The following FMNL3 variants were observed in gnomAD, a reference collection of about 807,000 sequenced individuals.
FMNL3 encodes the protein formin-like protein 3.
In FMNL3, 57 loss-of-function variants were observed where a neutral mutation model predicts 119.6. The observed-to-expected ratio is 0.48, with a 90% CI of 0.39 to 0.59. The LOEUF (loss-of-function observed/expected upper bound fraction) is 0.59. Among genes scored for constraint, FMNL3 ranks in the 20% least tolerant of loss-of-function variants. The pLI, the probability that FMNL3 is intolerant of heterozygous loss-of-function variation, is 0.00. For missense variants in FMNL3, 1,053 were observed against 1,323.5 expected (o/e 0.80, Z 3.17); for synonymous variants, 491 against 507.3 (o/e 0.97, Z 0.43).
At chr12:49,701,915 T>G (rs1183956594) in intron 1 of FMNL3, among the ~76,000 whole-genome samples, 2 of 152,094 alleles carry the variant, frequency 1.3e-5, no homozygotes, top group African/African-American at 4.8e-5. Flanking sequence ...AGAGTAAGAC[T>G]GTCTCAAAAA....
Position 49,649,670 on chromosome 12 carries a change from T to G in FMNL3, c.2235+21A>C. The stretch of plus-strand genomic sequence containing the variant: ...GTGGAGGGACAGCTGTCCAGAGCCA[T>G]GAGTTGGGTGGGGGCTGTACCGGTG... On this transcript the variant is annotated intron_variant, in intron 18 of 25. Coordinates refer to ENST00000335154, the MANE Select transcript of FMNL3 (RefSeq NM_175736.5). This position sits in a 1 kb window ranked among gnomAD's most constrained non-coding sequence, Gnocchi z 5.6. 7 of 1,613,168 alleles carry G rather than the reference T, an allele frequency of 4.3e-6. No individual in the cohort carries two copies. The highest frequency in any genetic ancestry group is 1.1e-5 in the South Asian group (1 of 91,056).
intron 4 of FMNL3, among the ~76,000 whole-genome samples, chr12:49,665,099 TCATATACCTTTG>T (rs1387839055): frequency 6.6e-6 from 1 of 152,142 alleles, no homozygotes; most frequent in African/African-American, 2.4e-5. Context: ...TCTCTCACTT[TCATATACCTTTG>T]CATATACCTT....
At chr12:49,668,628 A>G in intron 1 of FMNL3, 74 bp from the exon 2 acceptor site, 1 of 1,339,374 alleles carries the variant, frequency 7.5e-7, no homozygotes, top group Non-Finnish European at 1.1e-6. Context: ...GACTGCCCAC[A>G]CCTTTCTGCT....
Position 49,645,517 on chromosome 12 carries a change from A to G in FMNL3, c.*298T>C, listed in dbSNP as rs946016991. 2.6e-6 allele frequency: 1 copy of G among 382,118 alleles called. No individual in the cohort carries two copies. The highest frequency in any genetic ancestry group is 4.7e-6 in the Non-Finnish European group (1 of 213,208). The allele number at this position is 382,118 out of a possible 1,614,324, so 23.7% of individuals were successfully genotyped here. ...CTCTGGGCTCTAGTGGGAGAGATCT[A>G]TGTGCCCTGTTTAGGCTAAGGCTGG... On this transcript the variant is annotated 3_prime_UTR_variant, in exon 26 of 26. Transcript: ENST00000335154.
intron 13 of FMNL3, among the ~76,000 whole-genome samples, 166 bp downstream of exon 13, chr12:49,653,060 T>TA (rs1296744006): frequency 6.6e-6 from 1 of 151,822 alleles, no homozygotes; most frequent in Non-Finnish European, 1.5e-5. Flanking sequence ...CCTCTCCAAC[T>TA]AAAAAAATGG....
intron 1 of FMNL3, among the ~76,000 whole-genome samples, chr12:49,687,053 T>C (rs1944482165): frequency 6.6e-6 from 1 of 151,854 alleles, no homozygotes; most frequent in African/African-American, 2.4e-5. Flanking sequence ...CCCCCAAAAC[T>C]GCCTGATAAT....
Position 49,641,990 on chromosome 12 carries a change from TGG to T in FMNL3, c.*3823_*3824del. On this transcript the variant is annotated 3_prime_UTR_variant, in exon 26 of 26. Coordinates refer to ENST00000335154, the MANE Select transcript of FMNL3 (RefSeq NM_175736.5). ...AGCTTTGACAAGAGGGCTGCCGCACTGGACGCAGGCAACATCAAGCTGACCTT... is the reference window on the plus strand; with the variant it reads ...AGCTTTGACAAGAGGGCTGCCGCACTACGCAGGCAACATCAAGCTGACCTT... The T allele has an allele frequency of 6.2e-7, 1 of 1,613,708 alleles. No individual in the cohort carries two copies. The highest frequency in any genetic ancestry group is 8.5e-7 in the Non-Finnish European group (1 of 1,180,040).
Position 49,707,348 on chromosome 12 carries a change from G to A in FMNL3, c.-168C>T, listed in dbSNP as rs1945079106. 5.7e-6 allele frequency: 3 copies of A among 522,660 alleles called. No homozygotes were observed. Among genetic ancestry groups the A allele is most frequent in the South Asian group, 8.2e-5 (2 of 24,468 alleles). 32.4% of individuals were successfully genotyped at this position (522,660 alleles called of 1,614,324 possible). ...CCTGGAGTCCCGCTGGCGGGGGCGC[G>A]CGGCGAGGGCGGAGGCAGCGTAGCG... On this transcript the variant is annotated 5_prime_UTR_variant, in exon 1 of 26. Coordinates refer to ENST00000335154, the MANE Select transcript of FMNL3 (RefSeq NM_175736.5).
chr12:49,689,903 T>G (rs1030930528), intron 1 of FMNL3, among the ~76,000 whole-genome samples: 2 of 152,102 alleles, frequency 1.3e-5, no homozygotes, highest in Non-Finnish European at 2.9e-5. Flanking sequence ...ATCTCCTCTC[T>G]CCTGATCTAC....
chr12:49,707,015 G>C, intron 1 of FMNL3, 40 bp downstream of exon 1: 1 of 1,551,974 alleles, frequency 6.4e-7, no homozygotes, highest in Non-Finnish European at 8.7e-7. Context: ...CGGGACCTGA[G>C]GGGCGGTACG....
At chr12:49,665,186 C>T (rs1204370742) in intron 4 of FMNL3, among the ~76,000 whole-genome samples, 5 of 151,436 alleles carry the variant, frequency 3.3e-5, no homozygotes, top group Non-Finnish European at 7.4e-5. Context: ...CACATTAGCT[C>T]TTTGCTTGTT....
At position 49,651,576 on chromosome 12, in the gene FMNL3, A is replaced by G. The variant is rs1045088041; in HGVS notation, c.1604-126T>C. ...AAAAAAACTCTCAGAGAAGGAGCCTACATGAACTCTGCTCAAGCTGCTCCC... is the reference window on the plus strand; with the variant it reads ...AAAAAAACTCTCAGAGAAGGAGCCTGCATGAACTCTGCTCAAGCTGCTCCC... On this transcript the variant is annotated intron_variant, in intron 14 of 25. Coordinates refer to ENST00000335154, the MANE Select transcript of FMNL3 (RefSeq NM_175736.5). 3 of 869,648 alleles carry G rather than the reference A, an allele frequency of 3.4e-6. No homozygotes were observed. The African/African-American group carries it at 5.2e-5, about 15-fold the overall frequency. The allele number at this position is 869,648 out of a possible 1,614,324, so 53.9% of individuals were successfully genotyped here.
chr12:49,641,474 T>G lies in FMNL3; in HGVS notation c.*4341A>C. The G allele has an allele frequency of 6.0e-6, 1 of 167,444 alleles. No homozygotes were observed. Among genetic ancestry groups the G allele is most frequent in the Non-Finnish European group, 1.3e-5 (1 of 77,262 alleles). The allele number at this position is 167,444 out of a possible 1,614,324, so 10.4% of individuals were successfully genotyped here. ...GTAGAACCAAGAGGATTAAATGAGA[T>G]AATGTGTGAAACACTCATCATGGTA... is the stretch of plus-strand genomic sequence containing the variant. On this transcript the variant is annotated 3_prime_UTR_variant, in exon 26 of 26. Transcript: ENST00000335154.
chr12:49,675,322 A>C (rs1944156265), intron 1 of FMNL3, among the ~76,000 whole-genome samples: 1 of 152,220 alleles, frequency 6.6e-6, no homozygotes, highest in Non-Finnish European at 1.5e-5. Context: ...CCTCGTGGTT[A>C]GCCAGACCCA....
Position 49,653,343 on chromosome 12 carries a change from G to T in FMNL3, c.1222-16C>A. 6.2e-7 allele frequency: 1 copy of T among 1,612,796 alleles called. No individual in the cohort carries two copies. The highest frequency in any genetic ancestry group is 1.7e-5 in the Admixed American group (1 of 60,028). On this transcript the variant is annotated splice_polypyrimidine_tract_variant and intron_variant, in intron 12 of 25. Transcript: ENST00000335154. ...TCTCTGTGAGCTGCACAACAGGAAG[G>T]GCAGGTTCTGTGCTGGCCCTAAAGC...
In FMNL3 at chr12:49,650,664, T is replaced by C. The variant is rs990142939; in HGVS notation, c.2000+12A>G. ...AGACTAGGGACCAGAGCCAGGTCAG[T>C]GGGAGCCTCACGTATGAATGGCCCT... On this transcript the variant is annotated intron_variant, in intron 17 of 25. Transcript: ENST00000335154. 3 of 1,612,354 alleles carry C rather than the reference T, an allele frequency of 1.9e-6. No homozygotes were observed. The Admixed American group carries it at 5.0e-5, about 27-fold the overall frequency.
chr12:49,647,507 CCAAA>C lies in FMNL3; in HGVS notation c.2779-143_2779-140del. 3.9e-6 allele frequency: 4 copies of C among 1,035,674 alleles called. No individual in the cohort carries two copies. The highest frequency in any genetic ancestry group is 5.8e-6 in the Non-Finnish European group (4 of 686,888). The allele number at this position is 1,035,674 out of a possible 1,614,324, so 64.2% of individuals were successfully genotyped here. ...ACCCTCTGGAGGGGCACTTCCTGCC[CCAAA>C]CAATGACAGGAAGGTCCTGGGCCCC... On this transcript the variant is annotated intron_variant, in intron 23 of 25. Coordinates refer to ENST00000335154, the MANE Select transcript of FMNL3 (RefSeq NM_175736.5). The surrounding 1 kb of genome is among the most constrained non-coding windows in gnomAD (Gnocchi z 4.9).
chr12:49,697,495 A>G (rs1223271118), intron 1 of FMNL3, among the ~76,000 whole-genome samples: 1 of 152,192 alleles, frequency 6.6e-6, no homozygotes, highest in Non-Finnish European at 1.5e-5. Flanking sequence ...GGGACTCACC[A>G]AAACATGACC....
chr12:49,685,136 C>G (rs757308606), intron 1 of FMNL3, among the ~76,000 whole-genome samples: 8 of 152,198 alleles, frequency 5.3e-5, no homozygotes, highest in Admixed American at 1.3e-4. Context: ...GAGCACAGGT[C>G]TCAACCTCAG....
Sources: gnomAD v4.1 joint callset for allele counts (sites outside exome capture counted in the v4.1 genomes callset) on GRCh38, gnomAD v4.1.1 for gene constraint, Gnocchi (gnomAD v3.1) non-coding constraint, MANE v1.5 for transcripts, NCBI Gene and HGNC (gene_info 2026-07-23, HGNC 2026-07-21) for gene names.